The following CLCN1 variants were observed in gnomAD, a reference collection of about 807,000 sequenced individuals.
CLCN1 encodes the protein chloride voltage-gated channel 1.
A neutral mutation model predicts 114.5 loss-of-function variants in CLCN1; 100 were observed. The observed-to-expected ratio is 0.87, with a 90% confidence interval of 0.74 to 1.03. The LOEUF (loss-of-function observed/expected upper bound fraction) is 1.03, where lower values mean the gene tolerates loss of function less well. CLCN1 is among the 50% of genes least tolerant of loss of function. The pLI is 0.00. For synonymous variants in CLCN1, 485 were observed against 487.1 expected (o/e 1.00, Z 0.06); for missense variants, 1,188 against 1,250.0 (o/e 0.95, Z 0.75).
chr7:143,345,867 A>C lies in CLCN1; in HGVS notation c.2172+105A>C, dbSNP rs139913910. 1,247 of 1,483,874 alleles carry C rather than the reference A, an allele frequency of 8.4e-4. 7 individuals carry two copies. In the African/African-American group the frequency reaches 0.016, roughly 19 times the overall value. 91.9% of individuals were successfully genotyped at this position (1,483,874 alleles called of 1,614,324 possible). A position where few individuals can be genotyped will look rare whatever the true frequency, so the allele number is the denominator to read the frequency against. ...GGCTGGGACAGGCGTAGTTTCCCTGAAAGTAGTGGGAAGAGGGAGGGGAGA... is the reference window on the plus strand; with the variant it reads ...GGCTGGGACAGGCGTAGTTTCCCTGCAAGTAGTGGGAAGAGGGAGGGGAGA... On this transcript the variant is annotated intron_variant, in intron 17 of 22. Coordinates refer to ENST00000343257, the MANE Select transcript of CLCN1 (RefSeq NM_000083.3).
intron 7 of CLCN1, among the ~76,000 whole-genome samples, chr7:143,326,917 A>G (rs1421563326): frequency 6.6e-6 from 1 of 152,188 alleles, no homozygotes; most frequent in African/African-American, 2.4e-5. Flanking sequence ...AACCAGTTGG[A>G]AAATGCTTGG....
intron 12 of CLCN1, among the ~76,000 whole-genome samples, chr7:143,336,363 A>G (rs1802890700): frequency 6.6e-6 from 1 of 151,814 alleles, no homozygotes; most frequent in Non-Finnish European, 1.5e-5. Flanking sequence ...TAATCCCAGC[A>G]CTTTGGGAGG....
chr7:143,335,889 T>C (rs1802871451), intron 12 of CLCN1, among the ~76,000 whole-genome samples: 1 of 152,102 alleles, frequency 6.6e-6, no homozygotes, highest in Non-Finnish European at 1.5e-5. Context: ...CTCGATCTCC[T>C]TGCCTCATGA....
At position 143,321,644 on chromosome 7, in the gene CLCN1, C is replaced by G. The variant is rs563329286; in HGVS notation, c.563-71C>G. The G allele has an allele frequency of 6.2e-7, 1 of 1,610,162 alleles. No homozygotes were observed. The highest frequency in any genetic ancestry group is 1.3e-5 in the African/African-American group (1 of 74,974). Reference sequence around the variant, plus strand: ...CTTCAGCCCTCTCCAATTCCCATTCCCATATTCTGGACATTCATCTCCCTT... The same window carrying G: ...CTTCAGCCCTCTCCAATTCCCATTCGCATATTCTGGACATTCATCTCCCTT... On this transcript the variant is annotated intron_variant, in intron 4 of 22. Coordinates refer to ENST00000343257, the MANE Select transcript of CLCN1 (RefSeq NM_000083.3). The surrounding 1 kb of genome is among the most constrained non-coding windows in gnomAD (Gnocchi z 4.2).
Position 143,339,299 on chromosome 7 carries a change from G to A in CLCN1, c.1448G>A (p.Gly483Asp), listed in dbSNP as rs1336878695. The change falls in exon 13 of 23, where the codon GGC becomes GAC. Residue 483 changes from glycine (G) to aspartate (D), a missense_variant. Gly to Asp is a moderately conservative substitution (Grantham distance 94). Transcript: ENST00000343257. This position sits in a 1 kb window ranked among gnomAD's most constrained non-coding sequence, Gnocchi z 4.1. ...ACCACTATGCCCATACCCTGCGGAG[G>A]CTTCATGCCTGTGTTTGTGCTAGGT... ...VATTMPIPCG[G>D]FMPVFVLGAA... The A allele has an allele frequency of 3.7e-6, 6 of 1,612,946 alleles. No individual in the cohort carries two copies. Among genetic ancestry groups the A allele is most frequent in the Non-Finnish European group, 4.2e-6 (5 of 1,178,968 alleles).
Position 143,346,684 on chromosome 7 carries a change from C to G in CLCN1, c.2364+26C>G, listed in dbSNP as rs368446473. On this transcript the variant is annotated intron_variant, in intron 19 of 22. Transcript: ENST00000343257. ...GTGAGAGGAGATGTGTTTGGGGATA[C>G]AGGGGAAAGGGAGCCTGCCCTTGAA... 4.7e-5 allele frequency: 75 copies of G among 1,582,196 alleles called. No individual in the cohort carries two copies. The Admixed American group carries it at 5.2e-4, about 11-fold the overall frequency.
At chr7:143,328,803 G>A (rs1248699120) in intron 7 of CLCN1, among the ~76,000 whole-genome samples, 2 of 152,016 alleles carry the variant, frequency 1.3e-5, no homozygotes, top group Non-Finnish European at 1.5e-5. Flanking sequence ...GCCCCACATT[G>A]CCCATTGCCT....
At position 143,330,860 on chromosome 7, in the gene CLCN1, T is replaced by C; in HGVS notation, c.942T>C (p.Phe314=). The C allele has an allele frequency of 6.2e-7, 1 of 1,614,192 alleles. No homozygotes were observed. The highest frequency in any genetic ancestry group is 8.5e-7 in the Non-Finnish European group (1 of 1,180,034). ...RGFFAATFSA[F]VFRVLAVWNK... ...TCTTTGCAGCCACGTTCAGCGCCTTTGTGTTTCGAGTGCTGGCAGTGTGGA... is the reference window on the plus strand; with the variant it reads ...TCTTTGCAGCCACGTTCAGCGCCTTCGTGTTTCGAGTGCTGGCAGTGTGGA... Residue 314 remains phenylalanine (F), a synonymous_variant, in exon 8 of 23, where the codon TTT becomes TTC. Coordinates refer to ENST00000343257, the MANE Select transcript of CLCN1 (RefSeq NM_000083.3).
chr7:143,323,328 C>T lies in CLCN1; in HGVS notation c.716C>T (p.Ala239Val). Residue 239 changes from alanine (A) to valine (V), a missense_variant, in exon 6 of 23, where the codon GCC becomes GTC. Transcript: ENST00000343257. ...VGKEGPFVHI[A>V]SICAAVLSKF... is the part of the protein sequence containing the mutation. The stretch of plus-strand genomic sequence containing the variant: ...TCCCAGGGCCCCTTCGTCCACATTG[C>T]CAGCATCTGTGCTGCTGTCCTCAGC... 6.2e-7 allele frequency: 1 copy of T among 1,613,022 alleles called. No homozygotes were observed. The highest frequency in any genetic ancestry group is 8.5e-7 in the Non-Finnish European group (1 of 1,179,062).
chr7:143,346,896 GTCTT>G lies in CLCN1; in HGVS notation c.2365-10_2365-7del. 1 of 1,612,912 alleles carries G rather than the reference GTCTT, an allele frequency of 6.2e-7. No homozygotes were observed. The highest frequency in any genetic ancestry group is 8.5e-7 in the Non-Finnish European group (1 of 1,178,920). On this transcript the variant is annotated splice_polypyrimidine_tract_variant and intron_variant, in intron 19 of 22. Coordinates refer to ENST00000343257, the MANE Select transcript of CLCN1 (RefSeq NM_000083.3). ...GAAAAGGGAAAGAACTTGGACCTATGTCTTTCTTCTCTAGGATTCCACAGATTTA... is the reference window on the plus strand; with the variant it reads ...GAAAAGGGAAAGAACTTGGACCTATGTCTTCTCTAGGATTCCACAGATTTA...
At position 143,316,386 on chromosome 7, in the gene CLCN1, C is replaced by A; in HGVS notation, c.174C>A (p.Pro58=). ...CAGGCCCCCGCCACAACGTCCACCC[C>A]ACACAGGTAAAGTGCTCTAAGGGGA... The part of the protein sequence containing the change: ...KDAGPRHNVH[P]TQIYGHHKEQ... The change falls in exon 1 of 23, where the codon CCC becomes CCA. Residue 58 remains proline, a synonymous_variant. Transcript: ENST00000343257. 2 of 1,612,918 alleles carry A rather than the reference C, an allele frequency of 1.2e-6. No individual in the cohort carries two copies. The highest frequency in any genetic ancestry group is 1.7e-6 in the Non-Finnish European group (2 of 1,179,976).
In CLCN1 at chr7:143,345,607, G is replaced by A. The variant is rs200385034; in HGVS notation, c.2017G>A (p.Ala673Thr). 2 of 1,555,528 alleles carry A rather than the reference G, an allele frequency of 1.3e-6. No individual in the cohort carries two copies. The highest frequency in any genetic ancestry group is 1.4e-5 in the African/African-American group (1 of 73,470). ...CCTGTGTCCTGAGCGCAGGCTGCGCGCAGCCCAAGAGATGGCGCGGAAGTT... is the reference window on the plus strand; with the variant it reads ...CCTGTGTCCTGAGCGCAGGCTGCGCACAGCCCAAGAGATGGCGCGGAAGTT... The part of the protein sequence containing the change: ...RHLCPERRLR[A>T]AQEMARKLSE... Residue 673 changes from alanine to threonine, a missense_variant, in exon 17 of 23, where the codon GCA (alanine) becomes ACA (threonine). Ala to Thr is a moderately conservative substitution (Grantham distance 58). Transcript: ENST00000343257.
chr7:143,337,768 G>T (rs1428050798), intron 12 of CLCN1, among the ~76,000 whole-genome samples: 1 of 113,390 alleles, frequency 8.8e-6, no homozygotes, highest in African/African-American at 3.2e-5. Flanking sequence ...TATTTAAAAA[G>T]TTCCACAACT....
At position 143,346,271 on chromosome 7, in the gene CLCN1, C is replaced by T. The variant is rs1017389805; in HGVS notation, c.2284+20C>T. The T allele has an allele frequency of 6.8e-7, 1 of 1,473,284 alleles. No homozygotes were observed. The allele number at this position is 1,473,284 out of a possible 1,614,324, so 91.3% of individuals were successfully genotyped here. On this transcript the variant is annotated intron_variant, in intron 18 of 22. Coordinates refer to ENST00000343257, the MANE Select transcript of CLCN1 (RefSeq NM_000083.3). ...CTGCAGGTGACGCTCTTCCCTCATG[C>T]ACCCCAACTCACCCCTTGTGGGTTC... is the stretch of plus-strand genomic sequence containing the variant.
chr7:143,345,829 C>A, intron 17 of CLCN1, 67 bp downstream of exon 17: 1 of 1,345,018 alleles, frequency 7.4e-7, no homozygotes, highest in Non-Finnish European at 1.0e-6. Flanking sequence ...GTCGTCTGGG[C>A]TGGGCTGGGC....
intron 7 of CLCN1, among the ~76,000 whole-genome samples, chr7:143,326,391 T>C (rs972883834): frequency 1.3e-5 from 2 of 152,204 alleles, no homozygotes; most frequent in South Asian, 4.1e-4. Context: ...ATAAATGGAA[T>C]TCAGCATTCT....
Position 143,332,503 on chromosome 7 carries a change from G to C in CLCN1, c.1251G>C (p.Glu417Asp). ...GAATGGGTCAATTCATGGCTGGAGAGGTCAGCTGTTGGTGGGGCCACATGG... is the reference window on the plus strand; with the variant it reads ...GAATGGGTCAATTCATGGCTGGAGACGTCAGCTGTTGGTGGGGCCACATGG... Reference protein sequence around the residue: ...PPGMGQFMAGELMPREAISTL... With the variant: ...PPGMGQFMAGDLMPREAISTL... The change falls in exon 11 of 23, where the codon GAG becomes GAC. Residue 417 changes from glutamate to aspartate, a missense_variant and splice_region_variant. Physicochemically the swap from Glu to Asp is conservative, Grantham distance 45. Coordinates refer to ENST00000343257, the MANE Select transcript of CLCN1 (RefSeq NM_000083.3). 1.2e-6 allele frequency: 2 copies of C among 1,612,690 alleles called. No individual in the cohort carries two copies. The highest frequency in any genetic ancestry group is 1.7e-6 in the Non-Finnish European group (2 of 1,178,664).
rs199928109 is a variant in CLCN1 at position 143,335,656 on chromosome 7, G to GTTTTT, written c.1401+2787_1401+2788insTTTTT. ...GGCAGGTAAGATTCTCAATTCAGCT[G>GTTTTT]TTTTGTTTTTTTTTTTTTTTTGATT... is the stretch of plus-strand genomic sequence containing the variant. On this transcript the variant is annotated intron_variant, in intron 12 of 22. Transcript: ENST00000343257. Among the ~76,000 whole-genome samples, 79 of 107,220 alleles carry GTTTTT rather than the reference G, an allele frequency of 7.4e-4. 3 individuals carry two copies. Among genetic ancestry groups the GTTTTT allele is most frequent in the Admixed American group, 7.9e-4 (7 of 8,816 alleles). 70.3% of individuals were successfully genotyped at this position (107,220 alleles called of 152,430 possible). A position where few individuals can be genotyped will look rare whatever the true frequency, so the allele number is the denominator to read the frequency against.
At chr7:143,319,925 G>T (rs777864376) in intron 2 of CLCN1, 50 bp downstream of exon 2, 2 of 1,604,184 alleles carry the variant, frequency 1.2e-6, no homozygotes, top group South Asian at 1.1e-5. Flanking sequence ...CAGGTACAGG[G>T]ATTAGGAGAA....
Sources: gnomAD v4.1 joint callset for allele counts (sites outside exome capture counted in the v4.1 genomes callset) on GRCh38, gnomAD v4.1.1 for gene constraint, Gnocchi (gnomAD v3.1) non-coding constraint, MANE v1.5 for transcripts, NCBI Gene and HGNC (gene_info 2026-07-23, HGNC 2026-07-21) for gene names.